The following PDS5A variants were observed in gnomAD, a reference collection of about 807,000 sequenced individuals.
PDS5A encodes the protein PDS5 cohesin associated factor A.
A neutral mutation model predicts 167.1 loss-of-function variants in PDS5A; 42 were observed. That is an observed-to-expected ratio of 0.25 (90% CI 0.20 to 0.33). PDS5A has a LOEUF of 0.33. Among genes scored for constraint, PDS5A ranks in the 10% least tolerant of loss-of-function variants. PDS5A has a pLI of 1.00. For missense variants in PDS5A, 1,033 were observed against 1,605.9 expected (o/e 0.64, Z 6.10); for synonymous variants, 553 against 554.6 (o/e 1.00, Z 0.04).
At chr4:39,852,204 A>C (rs933512651) in intron 26 of PDS5A, among the ~76,000 whole-genome samples, 9 of 152,206 alleles carry the variant, frequency 5.9e-5, no homozygotes, top group African/African-American at 1.9e-4. Flanking sequence ...GTTCAATATA[A>C]TGTTACATTT....
intron 2 of PDS5A, among the ~76,000 whole-genome samples, chr4:39,943,817 C>CA (rs1727473702): frequency 6.7e-6 from 1 of 149,082 alleles, no homozygotes; most frequent in Non-Finnish European, 1.5e-5. Flanking sequence ...AACAAACAAA[C>CA]AACAACAACA....
At chr4:39,956,189 G>T (rs954889496) in intron 2 of PDS5A, among the ~76,000 whole-genome samples, 2 of 151,756 alleles carry the variant, frequency 1.3e-5, no homozygotes, top group Non-Finnish European at 2.9e-5. Flanking sequence ...AGCAGCAGTG[G>T]ATTACAGTAT....
At chr4:39,937,131 A>T (rs922256987) in intron 2 of PDS5A, among the ~76,000 whole-genome samples, 1 of 152,180 alleles carries the variant, frequency 6.6e-6, no homozygotes, top group Non-Finnish European at 1.5e-5. Flanking sequence ...TGATAAAATC[A>T]AGACTGAACT....
intron 30 of PDS5A, among the ~76,000 whole-genome samples, chr4:39,842,415 A>G (rs1717109696): frequency 1.3e-5 from 2 of 152,194 alleles, no homozygotes. Flanking sequence ...AGACCATAGT[A>G]TAGTTGTCAT....
At chr4:39,893,936 C>T (rs1489230743) in intron 16 of PDS5A, among the ~76,000 whole-genome samples, 1 of 152,200 alleles carries the variant, frequency 6.6e-6, no homozygotes, top group Non-Finnish European at 1.5e-5. Flanking sequence ...CTGTTGCAGT[C>T]ACAGTGTTGG....
chr4:39,928,014 T>C lies in PDS5A; in HGVS notation c.289A>G (p.Ile97Val), dbSNP rs1222215129. 3 of 1,613,756 alleles carry C rather than the reference T, an allele frequency of 1.9e-6. No homozygotes were observed. The highest frequency in any genetic ancestry group is 1.3e-5 in the African/African-American group (1 of 74,910). The change falls in exon 3 of 33, where the codon ATC becomes GTC. Residue 97 changes from isoleucine (I) to valine (V), a missense_variant. Ile to Val is a conservative substitution (Grantham distance 29). Around this residue, in one of 4 missense-constraint regions of PDS5A, gnomAD observed 388 missense variants for 615.1 expected, o/e 0.63. Coordinates refer to ENST00000303538, the MANE Select transcript of PDS5A (RefSeq NM_001100399.2). ...GCTTCTGGGGCATAGATACGAAAGATATCAGCCAAACAACATGCTACAAGG... is the reference window on the plus strand; with the variant it reads ...GCTTCTGGGGCATAGATACGAAAGACATCAGCCAAACAACATGCTACAAGG... Reference protein sequence around the residue: ...RLLVACCLADIFRIYAPEAPY... With the variant: ...RLLVACCLADVFRIYAPEAPY...
At chr4:39,902,199 G>T in intron 13 of PDS5A, 148 bp downstream of exon 13, 1 of 522,632 alleles carries the variant, frequency 1.9e-6, no homozygotes. Flanking sequence ...AACATAAATC[G>T]TAACATTTTG....
rs1716848241 is a variant in PDS5A at position 39,840,106 on chromosome 4, CA to C, written c.3657+1841del. Among the ~76,000 whole-genome samples the C allele has an allele frequency of 2.0e-5, 3 of 151,040 alleles. No individual in the cohort carries two copies. The South Asian group carries it at 6.3e-4, about 32-fold the overall frequency. ...CTCCGTCTCAAAAAACAAAAGAAAA[CA>C]AAACAAAACAGAACAAAAAAAAAAC... On this transcript the variant is annotated intron_variant, in intron 31 of 32. Transcript: ENST00000303538.
chr4:39,830,453 A>T (rs1715758204), intron 32 of PDS5A, among the ~76,000 whole-genome samples: 1 of 152,112 alleles, frequency 6.6e-6, no homozygotes, highest in African/African-American at 2.4e-5. Context: ...GAGACAGAGT[A>T]TCACTCTGTT....
chr4:39,965,331 G>C (rs997360226), intron 2 of PDS5A, among the ~76,000 whole-genome samples: 9 of 152,194 alleles, frequency 5.9e-5, no homozygotes, highest in African/African-American at 1.9e-4. Flanking sequence ...AAGCGTTTAA[G>C]TAAAGCCACT....
At chr4:39,857,277 G>A (rs1316257812) in intron 26 of PDS5A, among the ~76,000 whole-genome samples, 1 of 151,464 alleles carries the variant, frequency 6.6e-6, no homozygotes. Context: ...GCGTGAACCC[G>A]GGAGGCGGAG....
At chr4:39,969,785 C>G (rs545046071) in intron 2 of PDS5A, among the ~76,000 whole-genome samples, 1 of 151,984 alleles carries the variant, frequency 6.6e-6, no homozygotes, top group Admixed American at 6.6e-5. Flanking sequence ...ATTCACTTAA[C>G]AAGTATTTGT....
At chr4:39,951,036 G>A (rs1284557768) in intron 2 of PDS5A, among the ~76,000 whole-genome samples, 2 of 151,984 alleles carry the variant, frequency 1.3e-5, no homozygotes, top group Non-Finnish European at 2.9e-5. Flanking sequence ...CAAGTAGCTG[G>A]GACTACAGGA....
At chr4:39,881,652 C>T (rs1387993379) in intron 17 of PDS5A, among the ~76,000 whole-genome samples, 1 of 152,136 alleles carries the variant, frequency 6.6e-6, no homozygotes, top group African/African-American at 2.4e-5. Context: ...CATCCCATCA[C>T]TATCCTAAGT....
intron 2 of PDS5A, among the ~76,000 whole-genome samples, chr4:39,972,047 T>C (rs1017440900): frequency 4.6e-5 from 7 of 152,184 alleles, no homozygotes; most frequent in Non-Finnish European, 7.3e-5. Context: ...AGTTGGTTGA[T>C]ATGAACGTCG....
Position 39,849,551 on chromosome 4 carries a change from G to A in PDS5A, c.3188C>T (p.Ala1063Val). 1.9e-6 allele frequency: 3 copies of A among 1,611,100 alleles called. No homozygotes were observed. Among genetic ancestry groups the A allele is most frequent in the Non-Finnish European group, 2.5e-6 (3 of 1,177,618 alleles). ...MAENIKLTRD[A>V]QSPDESKTNE... ...TGTCTTGGATTCATCTGGAGACTGG[G>A]CATCTCTGGTTAACTTGATGTTCTC... Residue 1063 changes from alanine to valine, a missense_variant, in exon 27 of 33, where the codon GCC becomes GTC. Transcript: ENST00000303538.
intron 9 of PDS5A, among the ~76,000 whole-genome samples, chr4:39,912,039 A>C (rs181939017): frequency 6.6e-6 from 1 of 152,310 alleles, no homozygotes; most frequent in East Asian, 1.9e-4. Context: ...CTTAATGTCT[A>C]TGGCCTCCCA....
In PDS5A at chr4:39,838,013, T is replaced by A. The variant is rs779663654; in HGVS notation, c.3853A>T (p.Asn1285Tyr). The stretch of plus-strand genomic sequence containing the variant: ...TTAATAGGTTTATTTAGATCATCAT[T>A]TTTGGTAGCATTGCCCTGAGATTCA... The part of the protein sequence containing the change: ...KSESQGNATK[N>Y]DDLNKPINKG... Residue 1285 changes from asparagine to tyrosine, a missense_variant, in exon 32 of 33, where the codon AAT becomes TAT. Physicochemically the swap from Asn to Tyr is moderately radical, Grantham distance 143. This residue lies in a region of PDS5A where 233 missense variants were observed against 264.0 expected (regional missense o/e 0.88). Transcript: ENST00000303538. 1 of 1,614,008 alleles carries A rather than the reference T, an allele frequency of 6.2e-7. No homozygotes were observed. Among genetic ancestry groups the A allele is most frequent in the Non-Finnish European group, 8.5e-7 (1 of 1,179,900 alleles).
chr4:39,922,058 A>G (rs912236338), intron 6 of PDS5A, among the ~76,000 whole-genome samples: 1 of 152,188 alleles, frequency 6.6e-6, no homozygotes, highest in Non-Finnish European at 1.5e-5. Context: ...GCCTGAGTAG[A>G]GCCCAGTGGT....
Sources: allele counts gnomAD v4.1 joint callset (sites outside exome capture counted in the v4.1 genomes callset), GRCh38; gene constraint gnomAD v4.1.1; regional missense constraint gnomAD v4.1.1; transcripts MANE v1.5; gene names NCBI Gene and HGNC (gene_info 2026-07-23, HGNC 2026-07-21).